The following DENND5B variants were observed in gnomAD, a reference collection of about 807,000 sequenced individuals.
The protein encoded by DENND5B is DENN domain containing 5B.
A neutral mutation model predicts 140.6 loss-of-function variants in DENND5B; 34 were observed. The ratio of observed to expected loss-of-function variants is 0.24; its 90% CI spans 0.18 to 0.32. The LOEUF (loss-of-function observed/expected upper bound fraction) is 0.32. DENND5B is among the 10% of genes least tolerant of loss of function. The pLI is 1.00. For missense variants in DENND5B, 1,142 were observed against 1,560.2 expected (o/e 0.73, Z 4.52); for synonymous variants, 551 against 562.1 (o/e 0.98, Z 0.28).
chr12:31,557,848 T>C (rs1335153571), intron 1 of DENND5B, among the ~76,000 whole-genome samples: 1 of 127,028 alleles, frequency 7.9e-6, no homozygotes, highest in East Asian at 2.4e-4. Flanking sequence ...GACACAGAAA[T>C]GCTCACCACT....
At chr12:31,519,386 T>C (rs1439409888) in intron 1 of DENND5B, among the ~76,000 whole-genome samples, 2 of 152,226 alleles carry the variant, frequency 1.3e-5, no homozygotes, top group African/African-American at 2.4e-5. Flanking sequence ...CTTGAGTAGA[T>C]ATAAACAACT....
In DENND5B at chr12:31,457,207, C is replaced by T. The variant is rs1944815734; in HGVS notation, c.1092+2987G>A. Among the ~76,000 whole-genome samples, 3 of 152,234 alleles carry T rather than the reference C, an allele frequency of 2.0e-5. No individual in the cohort carries two copies. The South Asian group carries it at 6.2e-4, about 32-fold the overall frequency. On this transcript the variant is annotated intron_variant, in intron 4 of 20. Coordinates refer to ENST00000389082, the MANE Select transcript of DENND5B (RefSeq NM_144973.4). The stretch of plus-strand genomic sequence containing the variant: ...CAGTTACTGTGAAGATGAGTAAGAA[C>T]AGTAGAAAGTGAGGTACATTCCATG...
intron 2 of DENND5B, among the ~76,000 whole-genome samples, chr12:31,483,455 T>C (rs934214608): frequency 6.6e-6 from 1 of 152,118 alleles, no homozygotes; most frequent in Non-Finnish European, 1.5e-5. Context: ...TTTTTTTTTT[T>C]TCCAAGACGG....
At chr12:31,403,622 G>A (rs1203911399) in intron 14 of DENND5B, among the ~76,000 whole-genome samples, 4 of 148,516 alleles carry the variant, frequency 2.7e-5, no homozygotes, top group East Asian at 3.9e-4. Context: ...AAAAGAAAAC[G>A]GCTGGATGTG....
At chr12:31,406,441 G>T (rs758105169) in intron 14 of DENND5B, among the ~76,000 whole-genome samples, 9 of 152,114 alleles carry the variant, frequency 5.9e-5, no homozygotes, top group Non-Finnish European at 1.2e-4. Flanking sequence ...TTGGCTTTAG[G>T]ATAGGAAAAT....
rs1946924732 is a variant in DENND5B, at chr12:31,499,567, T to C, written c.128-3648A>G. On this transcript the variant is annotated intron_variant, in intron 1 of 20. Coordinates refer to ENST00000389082, the MANE Select transcript of DENND5B (RefSeq NM_144973.4). ...GGCTTGCAGTCAATTAAAATAATGA[T>C]TTATAATAGCCCATCCTTGTTCTTA... The C allele has an allele frequency of 4.2e-6, 6 of 1,416,440 alleles. No individual in the cohort carries two copies. In the African/African-American group the frequency reaches 5.8e-5, roughly 14 times the overall value. 87.7% of individuals were successfully genotyped at this position (1,416,440 alleles called of 1,614,324 possible).
chr12:31,568,759 A>C (rs1371518590), intron 1 of DENND5B, among the ~76,000 whole-genome samples: 1 of 151,384 alleles, frequency 6.6e-6, no homozygotes, highest in African/African-American at 2.4e-5. Context: ...GCCCCCAAAA[A>C]CTCCTTTTAA....
chr12:31,476,483 G>GAA (rs35480701), intron 3 of DENND5B, among the ~76,000 whole-genome samples: 54 of 141,632 alleles, frequency 3.8e-4, no homozygotes, highest in Non-Finnish European at 2.3e-4. Context: ...TGAGAAAGGA[G>GAA]AAAAAAAAAA....
chr12:31,409,495 TTA>T, intron 13 of DENND5B, 111 bp from the exon 14 acceptor site: 5 of 893,608 alleles, frequency 5.6e-6, no homozygotes, highest in South Asian at 2.6e-5. Flanking sequence ...TTTTTTTTTT[TTA>T]AACAGAGTTT....
intron 3 of DENND5B, among the ~76,000 whole-genome samples, chr12:31,470,369 C>T (rs1477262328): frequency 2.6e-5 from 4 of 152,034 alleles, no homozygotes; most frequent in African/African-American, 4.8e-5. Context: ...CCACCTCGGC[C>T]TCCCAAAGTG....
chr12:31,503,008 T>C (rs965000256), intron 1 of DENND5B, among the ~76,000 whole-genome samples: 2 of 152,086 alleles, frequency 1.3e-5, no homozygotes, highest in Non-Finnish European at 2.9e-5. Flanking sequence ...ATCCAAGTCC[T>C]TGGTTAAGGG....
At chr12:31,416,580 C>G (rs1471537297) in intron 11 of DENND5B, among the ~76,000 whole-genome samples, 1 of 151,340 alleles carries the variant, frequency 6.6e-6, no homozygotes, top group Non-Finnish European at 1.5e-5. Flanking sequence ...TTTCTAGTTA[C>G]TTGTTCTAAT....
At chr12:31,486,627 CTTA>C (rs1413759000) in intron 2 of DENND5B, among the ~76,000 whole-genome samples, 1 of 152,192 alleles carries the variant, frequency 6.6e-6, no homozygotes, top group African/African-American at 2.4e-5. Flanking sequence ...ACCTCAACTA[CTTA>C]TTATTTGGTT....
At chr12:31,516,083 G>C (rs767963641) in intron 1 of DENND5B, among the ~76,000 whole-genome samples, 1 of 152,162 alleles carries the variant, frequency 6.6e-6, no homozygotes, top group Non-Finnish European at 1.5e-5. Context: ...TTATTGGGCT[G>C]AACTTGCTCC....
At chr12:31,400,709 A>G (rs1941742603) in intron 15 of DENND5B, among the ~76,000 whole-genome samples, 1 of 152,194 alleles carries the variant, frequency 6.6e-6, no homozygotes, top group East Asian at 1.9e-4. Flanking sequence ...CATTTGTGTG[A>G]CAATCCAATT....
intron 1 of DENND5B, among the ~76,000 whole-genome samples, chr12:31,516,674 T>C (rs1164483544): frequency 1.3e-5 from 2 of 152,188 alleles, no homozygotes; most frequent in Non-Finnish European, 2.9e-5. Context: ...CATTAACACC[T>C]ACCTTTTCAA....
chr12:31,484,251 G>T (rs894921250), intron 2 of DENND5B, among the ~76,000 whole-genome samples: 1 of 152,146 alleles, frequency 6.6e-6, no homozygotes, highest in Non-Finnish European at 1.5e-5. Flanking sequence ...GCTAACTAAC[G>T]CACAGTGCAG....
chr12:31,471,160 A>G (rs1225297440), intron 3 of DENND5B, among the ~76,000 whole-genome samples: 1 of 152,230 alleles, frequency 6.6e-6, no homozygotes, highest in African/African-American at 2.4e-5. Context: ...ACTAGCCTCA[A>G]AGCCACTCCC....
chr12:31,540,963 C>T lies in DENND5B; in HGVS notation c.128-45044G>A, dbSNP rs112194030. ...GAACATACAATGGAGAAAGGACAGT[C>T]TCTTCAGTCAATGGTGCTGGGAAAA... On this transcript the variant is annotated intron_variant, in intron 1 of 20. Transcript: ENST00000389082. The T allele has an allele frequency of 7.3e-3, 3,307 of 452,728 alleles. 21 individuals carry two copies. Among genetic ancestry groups the T allele is most frequent in the Non-Finnish European group, 0.012 (2,647 of 225,054 alleles). 28.0% of individuals were successfully genotyped at this position (452,728 alleles called of 1,614,324 possible).
Sources: gnomAD v4.1 joint callset for allele counts (sites outside exome capture counted in the v4.1 genomes callset) on GRCh38, gnomAD v4.1.1 for gene constraint, MANE v1.5 for transcripts, NCBI Gene and HGNC (gene_info 2026-07-23, HGNC 2026-07-21) for gene names.